The following SLC39A11 variants were observed in gnomAD, a reference collection of about 807,000 sequenced individuals.
The protein encoded by SLC39A11 is solute carrier family 39 member 11.
Under a neutral mutation model 36.1 loss-of-function variants are expected in SLC39A11, and 33 were observed. The ratio of observed to expected loss-of-function variants is 0.91; its 90% CI spans 0.69 to 1.22. The LOEUF is 1.22. SLC39A11 is among the 50% of genes most tolerant of loss of function. SLC39A11 has a pLI of 0.00. For missense variants in SLC39A11, 432 were observed against 430.3 expected, an observed-to-expected ratio of 1.00 and a Z score of -0.03; for synonymous variants, 166 against 170.3, an observed-to-expected ratio of 0.97 and a Z score of 0.20.
chr17:72,788,572 A>G (rs1164902723), intron 6 of SLC39A11, among the ~76,000 whole-genome samples: 1 of 152,238 alleles, frequency 6.6e-6, no homozygotes, highest in Non-Finnish European at 1.5e-5. Flanking sequence ...TTGGTTAGGC[A>G]TGATCAAGAA....
chr17:72,992,773 T>C (rs2089259773), intron 4 of SLC39A11: 1 of 152,148 alleles, frequency 6.6e-6, no homozygotes, highest in African/African-American at 2.4e-5. Flanking sequence ...AGCAGATCAG[T>C]GGTTACCTGG....
At chr17:72,759,796 T>C (rs1297803170) in intron 6 of SLC39A11, among the ~76,000 whole-genome samples, 1 of 152,104 alleles carries the variant, frequency 6.6e-6, no homozygotes, top group Non-Finnish European at 1.5e-5. Flanking sequence ...AGATCTAGTA[T>C]TCAAGAAAAA....
Position 72,949,535 on chromosome 17 carries a change from G to A in SLC39A11, c.307-1660C>T, listed in dbSNP as rs189864972. Among the ~76,000 whole-genome samples, 22 of 152,128 alleles carry A rather than the reference G, an allele frequency of 1.4e-4. No individual in the cohort carries two copies. The East Asian group carries it at 3.9e-3, about 27-fold the overall frequency. ...CAATCAAGGTACCAGCACAGTCAGTGACTGGTGAGAGCCTGCTTCTTGGTT... is the reference window on the plus strand; with the variant it reads ...CAATCAAGGTACCAGCACAGTCAGTAACTGGTGAGAGCCTGCTTCTTGGTT... On this transcript the variant is annotated intron_variant, in intron 4 of 9. Coordinates refer to ENST00000255559, the MANE Select transcript of SLC39A11 (RefSeq NM_139177.4).
intron 7 of SLC39A11, among the ~76,000 whole-genome samples, chr17:72,654,609 T>C (rs750012802): frequency 6.4e-4 from 98 of 152,236 alleles, no homozygotes; most frequent in Non-Finnish European, 1.1e-3. Flanking sequence ...CATCTCCTTG[T>C]AGCCCTCAAA....
intron 5 of SLC39A11, among the ~76,000 whole-genome samples, chr17:72,851,470 G>A (rs1296791357): frequency 6.6e-6 from 1 of 152,198 alleles, no homozygotes; most frequent in African/African-American, 2.4e-5. Context: ...TTTATTGGGA[G>A]AGAAAACCCA....
intron 4 of SLC39A11, among the ~76,000 whole-genome samples, chr17:72,969,990 A>G (rs926910263): frequency 3.9e-5 from 6 of 152,160 alleles, no homozygotes; most frequent in Non-Finnish European, 8.8e-5. Flanking sequence ...AAGAGACACC[A>G]ACGGCAGTCC....
chr17:72,927,402 A>C (rs897889163), intron 5 of SLC39A11, among the ~76,000 whole-genome samples: 3 of 152,200 alleles, frequency 2.0e-5, no homozygotes, highest in African/African-American at 7.2e-5. Flanking sequence ...AAGCATTTCC[A>C]AGCCTGTTGT....
chr17:72,676,310 G>A (rs1178406970), intron 7 of SLC39A11, among the ~76,000 whole-genome samples: 5 of 152,108 alleles, frequency 3.3e-5, no homozygotes, highest in Non-Finnish European at 5.9e-5. Context: ...GATACCTTCT[G>A]AAGTAAAAAT....
chr17:73,033,094 AC>A (rs1468362573), intron 3 of SLC39A11, among the ~76,000 whole-genome samples: 1 of 152,152 alleles, frequency 6.6e-6, no homozygotes, highest in African/African-American at 2.4e-5. Flanking sequence ...GGAGCTCACA[AC>A]CTAGATCCGT....
intron 6 of SLC39A11, among the ~76,000 whole-genome samples, chr17:72,843,659 G>A (rs539460933): frequency 9.2e-5 from 14 of 152,256 alleles, no homozygotes; most frequent in Admixed American, 5.2e-4. Flanking sequence ...CCAGAACTGC[G>A]AGAAATAAAT....
intron 5 of SLC39A11, among the ~76,000 whole-genome samples, chr17:72,887,488 T>C (rs374195172): frequency 1.0e-3 from 157 of 152,336 alleles, no homozygotes; most frequent in African/African-American, 3.5e-3. Context: ...GTAGGTGGCT[T>C]TGAAAGGCAG....
chr17:72,996,168 T>C (rs748949784), intron 4 of SLC39A11, among the ~76,000 whole-genome samples: 2 of 152,008 alleles, frequency 1.3e-5, no homozygotes, highest in Non-Finnish European at 2.9e-5. Context: ...CAGGATAAAA[T>C]CTAAATTCTT....
intron 6 of SLC39A11, among the ~76,000 whole-genome samples, chr17:72,820,949 G>T (rs2077752900): frequency 6.7e-6 from 1 of 148,822 alleles, no homozygotes; most frequent in South Asian, 2.1e-4. Flanking sequence ...AATGTCTGCC[G>T]TATTATAAGG....
intron 7 of SLC39A11, among the ~76,000 whole-genome samples, chr17:72,655,686 A>G (rs2070079645): frequency 6.6e-6 from 1 of 152,226 alleles, no homozygotes; most frequent in African/African-American, 2.4e-5. Context: ...AGGAGCCTGC[A>G]ACCGGGGTGC....
At chr17:72,960,916 G>A (rs180824128) in intron 4 of SLC39A11, among the ~76,000 whole-genome samples, 2 of 152,276 alleles carry the variant, frequency 1.3e-5, no homozygotes, top group Admixed American at 1.3e-4. Flanking sequence ...CTGGAAAAGA[G>A]ATCTTTATCT....
In SLC39A11 at chr17:72,964,558, C is replaced by G. The variant is rs1314209643; in HGVS notation, c.307-16683G>C. Among the ~76,000 whole-genome samples, 3 of 152,214 alleles carry G rather than the reference C, an allele frequency of 2.0e-5. No homozygotes were observed. In the East Asian group the frequency reaches 5.8e-4, roughly 29 times the overall value. On this transcript the variant is annotated intron_variant, in intron 4 of 9. Transcript: ENST00000255559. Reference sequence around the variant, plus strand: ...AAAAAGAAGAAATTGAAGTAAAAGACTGTAAATTGGGAATGGGCGTGACAC... The same window carrying G: ...AAAAAGAAGAAATTGAAGTAAAAGAGTGTAAATTGGGAATGGGCGTGACAC...
intron 2 of SLC39A11, among the ~76,000 whole-genome samples, chr17:73,087,668 G>C (rs898577724): frequency 6.6e-6 from 1 of 152,204 alleles, no homozygotes; most frequent in Admixed American, 6.5e-5. Context: ...ACTATAGGTA[G>C]AGCGTGTAGA....
rs1331570354 is a variant in SLC39A11 at position 73,007,667 on chromosome 17, AAGCTAAGGAGG to A, written c.306+23878_306+23888del. Among the ~76,000 whole-genome samples the A allele has an allele frequency of 2.0e-5, 3 of 152,140 alleles. No homozygotes were observed. The East Asian group carries it at 5.8e-4, about 29-fold the overall frequency. ...GGTGGTGGAGGACTGGCCTGAGCCC[AAGCTAAGGAGG>A]GAGGGAAGGAGGGAGGGGCCAGGAG... is the stretch of plus-strand genomic sequence containing the variant. On this transcript the variant is annotated intron_variant, in intron 4 of 9. Transcript: ENST00000255559.
intron 3 of SLC39A11, among the ~76,000 whole-genome samples, chr17:73,076,101 G>C (rs928347289): frequency 6.6e-6 from 1 of 151,564 alleles, no homozygotes; most frequent in Non-Finnish European, 1.5e-5. Flanking sequence ...AGGATCCTGA[G>C]AGGGAATAAT....
Sources: allele counts gnomAD v4.1 joint callset (sites outside exome capture counted in the v4.1 genomes callset), GRCh38; gene constraint gnomAD v4.1.1; transcripts MANE v1.5; gene names NCBI Gene and HGNC (gene_info 2026-07-23, HGNC 2026-07-21).